CHST8: variants seen among roughly 807,000 people sequenced by gnomAD.
CHST8 encodes the protein GALNAC-4-ST1.
Under a neutral mutation model 15.0 loss-of-function variants are expected in CHST8, and 10 were observed. That is an observed-to-expected ratio of 0.67 (90% CI 0.41 to 1.13). The LOEUF (loss-of-function observed/expected upper bound fraction) is 1.13, where lower values mean the gene tolerates loss of function less well. CHST8 is among the 50% of genes most tolerant of loss of function. CHST8 has a pLI of 0.00. For synonymous variants in CHST8, 259 were observed against 256.6 expected, an observed-to-expected ratio of 1.01 and a Z score of -0.09; for missense variants, 634 against 608.2, an observed-to-expected ratio of 1.04 and a Z score of -0.45.
chr19:33,668,258 G>C (rs1190758969), intron 2 of CHST8, among the ~76,000 whole-genome samples: 3 of 152,194 alleles, frequency 2.0e-5, no homozygotes, highest in Non-Finnish European at 2.9e-5. Context: ...TTGTTGCCAG[G>C]GGGTGGAGGC....
At chr19:33,638,528 C>T (rs1046450221) in intron 1 of CHST8, among the ~76,000 whole-genome samples, 1 of 152,156 alleles carries the variant, frequency 6.6e-6, no homozygotes, top group African/African-American at 2.4e-5. Flanking sequence ...CCTTGGCCGG[C>T]CACAGTGCAC....
At chr19:33,761,227 G>A (rs1309695600) in intron 3 of CHST8, among the ~76,000 whole-genome samples, 1 of 152,208 alleles carries the variant, frequency 6.6e-6, no homozygotes, top group African/African-American at 2.4e-5. Flanking sequence ...AAGCAGCCAG[G>A]CACGGTGGCT....
chr19:33,647,610 C>T (rs1001491503), intron 1 of CHST8, among the ~76,000 whole-genome samples: 18 of 152,094 alleles, frequency 1.2e-4, no homozygotes, highest in East Asian at 3.9e-4. Flanking sequence ...CTTTGGGAGG[C>T]GGAGGCGGGT....
chr19:33,665,157 G>T (rs1031439756), intron 1 of CHST8, among the ~76,000 whole-genome samples: 1 of 152,044 alleles, frequency 6.6e-6, no homozygotes, highest in African/African-American at 2.4e-5. Context: ...TTTTTTTGTG[G>T]AATCTCCATA....
chr19:33,713,077 A>G (rs1213908931), intron 3 of CHST8, among the ~76,000 whole-genome samples: 1 of 151,298 alleles, frequency 6.6e-6, no homozygotes. Context: ...TGGCACTCAT[A>G]CTCCCCACCA....
intron 3 of CHST8, among the ~76,000 whole-genome samples, chr19:33,754,624 G>A (rs1302850089): frequency 6.6e-6 from 1 of 152,234 alleles, no homozygotes; most frequent in African/African-American, 2.4e-5. Context: ...AGTCCAGGGT[G>A]CTGTGTGGCA....
At chr19:33,753,165 G>A (rs1974453243) in intron 3 of CHST8, among the ~76,000 whole-genome samples, 1 of 151,936 alleles carries the variant, frequency 6.6e-6, no homozygotes, top group African/African-American at 2.4e-5. Context: ...CCGTGGGAAC[G>A]GCACAGCCAG....
intron 1 of CHST8, among the ~76,000 whole-genome samples, chr19:33,640,144 G>A (rs779462616): frequency 1.3e-5 from 2 of 152,180 alleles, no homozygotes; most frequent in Non-Finnish European, 2.9e-5. Context: ...GCCCAGCAAA[G>A]CAAATCAATT....
At chr19:33,690,599 G>A (rs1024279902) in intron 3 of CHST8, among the ~76,000 whole-genome samples, 5 of 152,216 alleles carry the variant, frequency 3.3e-5, no homozygotes, top group South Asian at 2.1e-4. Flanking sequence ...CAGCCAAGGC[G>A]GTGGCCTCCA....
At chr19:33,716,281 G>A (rs1973664470) in intron 3 of CHST8, among the ~76,000 whole-genome samples, 1 of 152,098 alleles carries the variant, frequency 6.6e-6, no homozygotes, top group African/African-American at 2.4e-5. Flanking sequence ...TTCTTTTGAT[G>A]TCTCTTGTGG....
chr19:33,705,221 C>T (rs1973424065), intron 3 of CHST8, among the ~76,000 whole-genome samples: 1 of 152,176 alleles, frequency 6.6e-6, no homozygotes, highest in African/African-American at 2.4e-5. Flanking sequence ...CCCCATAGGA[C>T]CCCCATGAAG....
chr19:33,661,731 T>C (rs979450212), intron 1 of CHST8, among the ~76,000 whole-genome samples: 5 of 152,114 alleles, frequency 3.3e-5, no homozygotes, highest in African/African-American at 9.7e-5. Flanking sequence ...CAAGAGGTCT[T>C]TTTAAAAGGA....
At chr19:33,653,630 A>G (rs1972475805) in intron 1 of CHST8, among the ~76,000 whole-genome samples, 1 of 152,196 alleles carries the variant, frequency 6.6e-6, no homozygotes, top group African/African-American at 2.4e-5. Context: ...GGTTAAGAAC[A>G]CGGACTCTGG....
intron 1 of CHST8, among the ~76,000 whole-genome samples, chr19:33,663,627 T>C (rs1972613778): frequency 6.6e-6 from 1 of 152,056 alleles, no homozygotes; most frequent in Admixed American, 6.5e-5. Flanking sequence ...TCCTAGCACT[T>C]TGGGAGGCAG....
At chr19:33,678,245 C>A (rs73926583) in intron 2 of CHST8, among the ~76,000 whole-genome samples, 1 of 152,132 alleles carries the variant, frequency 6.6e-6, no homozygotes, top group Non-Finnish European at 1.5e-5. Context: ...AAGGGATGTT[C>A]CTGTCCCATG....
intron 1 of CHST8, among the ~76,000 whole-genome samples, chr19:33,650,094 G>C (rs1031985086): frequency 6.6e-6 from 1 of 152,202 alleles, no homozygotes; most frequent in Non-Finnish European, 1.5e-5. Flanking sequence ...TATGATCTCT[G>C]TGTTAATGTT....
intron 3 of CHST8, among the ~76,000 whole-genome samples, chr19:33,770,781 C>A (rs542535331): frequency 1.3e-5 from 2 of 152,048 alleles, no homozygotes; most frequent in African/African-American, 2.4e-5. Context: ...GAGACCAGGG[C>A]GAGCAAGATA....
chr19:33,764,061 C>T (rs745684098), intron 3 of CHST8, among the ~76,000 whole-genome samples: 4 of 152,352 alleles, frequency 2.6e-5, no homozygotes, highest in African/African-American at 4.8e-5. Context: ...TGCCCAGATG[C>T]GTGGGCCCTT....
chr19:33,691,153 T>A (rs1973093856), intron 3 of CHST8, among the ~76,000 whole-genome samples: 1 of 152,246 alleles, frequency 6.6e-6, no homozygotes, highest in South Asian at 2.1e-4. Flanking sequence ...CCTGTTGCCC[T>A]GCCCAGCTTC....
Sources: allele counts gnomAD v4.1 joint callset (sites outside exome capture counted in the v4.1 genomes callset), GRCh38; gene constraint gnomAD v4.1.1; transcripts MANE v1.5; gene names NCBI Gene and HGNC (gene_info 2026-07-23, HGNC 2026-07-21).